The following ACYP2 variants were observed in gnomAD, a reference collection of about 807,000 sequenced individuals.
ACYP2 encodes the protein acylphosphatase 2.
Under a neutral mutation model 11.2 loss-of-function variants are expected in ACYP2, and 12 were observed. The observed-to-expected ratio is 1.08, with a 90% confidence interval of 0.69 to 1.74. The LOEUF is 1.74. Among genes scored for constraint, ACYP2 ranks in the 40% most tolerant of loss-of-function variants. The probability of loss-of-function intolerance (pLI) is 0.00; values close to 1 mark genes in which losing one functional copy is unlikely to be tolerated. For missense variants in ACYP2, 134 were observed against 101.9 expected, an observed-to-expected ratio of 1.31 and a Z score of -1.35; for synonymous variants, 43 against 32.2, an observed-to-expected ratio of 1.33 and a Z score of -1.13.
chr2:54,111,241 A>G (rs1251593386), intron 4 of ACYP2, among the ~76,000 whole-genome samples: 2 of 152,212 alleles, frequency 1.3e-5, no homozygotes, highest in African/African-American at 4.8e-5. Flanking sequence ...GTCCCTACAA[A>G]AAGAATCCTG....
intron 6 of ACYP2, among the ~76,000 whole-genome samples, chr2:54,191,715 C>T (rs537624745): frequency 3.1e-4 from 47 of 152,310 alleles, no homozygotes; most frequent in South Asian, 2.1e-4. Context: ...ATAACCCTCT[C>T]ATTTCATTCA....
chr2:54,194,018 C>G (rs1684347329), intron 6 of ACYP2, among the ~76,000 whole-genome samples: 1 of 152,050 alleles, frequency 6.6e-6, no homozygotes, highest in African/African-American at 2.4e-5. Context: ...TAGGACTGAT[C>G]ATCTTTCACC....
At chr2:54,087,060 T>C (rs1677983717) in intron 4 of ACYP2, among the ~76,000 whole-genome samples, 1 of 152,250 alleles carries the variant, frequency 6.6e-6, no homozygotes, top group African/African-American at 2.4e-5. Context: ...CTATGAGCAA[T>C]TACTTTCTCA....
intron 4 of ACYP2, among the ~76,000 whole-genome samples, chr2:54,125,213 A>G (rs935296297): frequency 3.9e-5 from 6 of 151,942 alleles, no homozygotes; most frequent in Non-Finnish European, 4.4e-5. Flanking sequence ...TGTATATTCT[A>G]TAAAACAACC....
chr2:53,975,241 T>A (rs1016191500), intron 2 of ACYP2: 24 of 387,338 alleles, frequency 6.2e-5, no homozygotes, highest in African/African-American at 3.7e-4. Flanking sequence ...AAAAAAAAAA[T>A]TCAGAGAAGC....
At chr2:54,013,898 C>A (rs1230611554) in intron 2 of ACYP2, among the ~76,000 whole-genome samples, 1 of 152,080 alleles carries the variant, frequency 6.6e-6, no homozygotes, top group Non-Finnish European at 1.5e-5. Flanking sequence ...TGGCTCACAC[C>A]TGTAATTCCA....
intron 1 of ACYP2, among the ~76,000 whole-genome samples, chr2:53,972,687 G>A (rs1443771419): frequency 6.6e-6 from 1 of 152,236 alleles, no homozygotes; most frequent in Non-Finnish European, 1.5e-5. Flanking sequence ...GACCCTTTAA[G>A]GTGTGACATA....
intron 6 of ACYP2, among the ~76,000 whole-genome samples, chr2:54,256,504 A>G (rs971792754): frequency 5.3e-5 from 8 of 152,084 alleles, no homozygotes; most frequent in Non-Finnish European, 2.9e-5. Context: ...CTATTTCTCT[A>G]CTGGGCTGAC....
chr2:54,101,071 A>G (rs910074137), intron 4 of ACYP2, among the ~76,000 whole-genome samples: 2 of 152,182 alleles, frequency 1.3e-5, no homozygotes, highest in Admixed American at 1.3e-4. Flanking sequence ...AGTGCTCACC[A>G]CAACAGGGAG....
chr2:53,993,004 G>A (rs528190819), intron 2 of ACYP2, among the ~76,000 whole-genome samples: 3 of 152,090 alleles, frequency 2.0e-5, no homozygotes, highest in East Asian at 1.9e-4. Context: ...CCAGGAGTTC[G>A]AGACCAGCCT....
chr2:54,031,448 C>T (rs1372331289), intron 2 of ACYP2, among the ~76,000 whole-genome samples: 1 of 152,138 alleles, frequency 6.6e-6, no homozygotes, highest in Non-Finnish European at 1.5e-5. Context: ...CTACAAAGAA[C>T]ATGAACTCAT....
At chr2:54,248,697 C>G (rs1362940528) in intron 6 of ACYP2, among the ~76,000 whole-genome samples, 1 of 152,156 alleles carries the variant, frequency 6.6e-6, no homozygotes, top group East Asian at 1.9e-4. Flanking sequence ...ATGTCTTACT[C>G]ATCACCGAAG....
chr2:54,045,161 T>A (rs996558565), intron 2 of ACYP2, among the ~76,000 whole-genome samples: 6 of 152,206 alleles, frequency 3.9e-5, no homozygotes, highest in Admixed American at 2.6e-4. Context: ...AGGAGCTGAC[T>A]CACCAAAGAA....
chr2:54,118,840 A>G (rs1679971435), intron 4 of ACYP2, among the ~76,000 whole-genome samples: 2 of 152,194 alleles, frequency 1.3e-5, no homozygotes, highest in Admixed American at 6.5e-5. Flanking sequence ...TCACCATCAC[A>G]TATTTACATA....
intron 6 of ACYP2, among the ~76,000 whole-genome samples, chr2:54,226,278 T>C (rs896675108): frequency 6.6e-6 from 1 of 152,200 alleles, no homozygotes; most frequent in Non-Finnish European, 1.5e-5. Context: ...AAATGGACTC[T>C]CCTGGATAAG....
intron 2 of ACYP2, among the ~76,000 whole-genome samples, chr2:54,027,828 TC>T (rs1302592060): frequency 7.4e-6 from 1 of 135,372 alleles, no homozygotes; most frequent in African/African-American, 2.9e-5. Flanking sequence ...CATGTTTCTT[TC>T]TTTCTTTCTT....
chr2:54,114,044 T>C (rs946535222), intron 4 of ACYP2, among the ~76,000 whole-genome samples: 1 of 152,202 alleles, frequency 6.6e-6, no homozygotes, highest in Non-Finnish European at 1.5e-5. Flanking sequence ...TTAAAAATGA[T>C]TTAACCATAT....
chr2:53,971,499 A>T (rs1405095754), intron 1 of ACYP2, among the ~76,000 whole-genome samples: 1 of 152,250 alleles, frequency 6.6e-6, no homozygotes, highest in African/African-American at 2.4e-5. Context: ...GGCCGCCATC[A>T]TTCCAAAGAA....
chr2:54,012,753 C>T (rs1433008273), intron 2 of ACYP2, among the ~76,000 whole-genome samples: 1 of 152,156 alleles, frequency 6.6e-6, no homozygotes, highest in Non-Finnish European at 1.5e-5. Flanking sequence ...CTTTGGCACT[C>T]CTACCCCTAT....
Sources: gnomAD v4.1 joint callset for allele counts (sites outside exome capture counted in the v4.1 genomes callset) on GRCh38, gnomAD v4.1.1 for gene constraint, MANE v1.5 for transcripts, NCBI Gene and HGNC (gene_info 2026-07-23, HGNC 2026-07-21) for gene names.